OSBPL6: variants seen among roughly 807,000 people sequenced by gnomAD.
The protein encoded by OSBPL6 is oxysterol-binding protein-related protein 6.
In OSBPL6, 49 loss-of-function variants were observed where a neutral mutation model predicts 125.8. The observed-to-expected ratio is 0.39, with a 90% CI of 0.31 to 0.49. The LOEUF (loss-of-function observed/expected upper bound fraction) is 0.49. OSBPL6 is among the 20% of genes least tolerant of loss of function. The probability of loss-of-function intolerance (pLI) is 0.88; values close to 1 mark genes in which losing one functional copy is unlikely to be tolerated. For synonymous variants in OSBPL6, 394 were observed against 391.8 expected (o/e 1.01, Z -0.07); for missense variants, 986 against 1,135.4 (o/e 0.87, Z 1.89).
chr2:178,288,856 G>A (rs1455444686), intron 2 of OSBPL6, among the ~76,000 whole-genome samples: 1 of 151,690 alleles, frequency 6.6e-6, no homozygotes, highest in African/African-American at 2.4e-5. Flanking sequence ...CACCATGTTG[G>A]CCAGGCTGGT....
At chr2:178,236,781 T>C (rs2091071019) in intron 1 of OSBPL6, among the ~76,000 whole-genome samples, 1 of 152,164 alleles carries the variant, frequency 6.6e-6, no homozygotes, top group South Asian at 2.1e-4. Context: ...TTTGAAACAG[T>C]TTATCCTCCA....
In OSBPL6 at chr2:178,394,333, T is replaced by C. The variant is rs773120991; in HGVS notation, c.2594T>C (p.Leu865Ser). The C allele has an allele frequency of 9.9e-6, 16 of 1,612,956 alleles. No homozygotes were observed. The Admixed American group carries it at 2.7e-4, about 27-fold the overall frequency. The change falls in exon 24 of 25, where the codon TTA becomes TCA. Residue 865 changes from leucine to serine, a missense_variant. By Grantham distance (145) the Leu-to-Ser change is moderately radical. Coordinates refer to ENST00000190611, the MANE Select transcript of OSBPL6 (RefSeq NM_032523.4). Reference sequence around the variant, plus strand: ...CTTAGATTTTTGGAAGAAGGAAATTTAGAAGCTGCAGCATCAGAGAAGCAA... The same window carrying C: ...CTTAGATTTTTGGAAGAAGGAAATTCAGAAGCTGCAGCATCAGAGAAGCAA... ...PDQRFLEEGN[L>S]EAAASEKQRV... is the part of the protein sequence containing the mutation.
intron 4 of OSBPL6, 61 bp downstream of exon 4, chr2:178,324,330 A>G: frequency 8.0e-7 from 1 of 1,243,578 alleles, no homozygotes; most frequent in Non-Finnish European, 1.1e-6. Flanking sequence ...GGCCAATTGA[A>G]CTGTGAATAA....
At position 178,338,996 on chromosome 2, in the gene OSBPL6, G is replaced by T; in HGVS notation, c.796G>T (p.Ala266Ser). Reference protein sequence around the residue: ...EEMDRCAEDLAHCQSNLVELS... With the variant: ...EEMDRCAEDLSHCQSNLVELS... ...TATTTCTGATTTCTTATTAGATCTTGCACATTGCCAGTCAAACCTTGTGGA... is the reference window on the plus strand; with the variant it reads ...TATTTCTGATTTCTTATTAGATCTTTCACATTGCCAGTCAAACCTTGTGGA... The change falls in exon 10 of 25, where the codon GCA becomes TCA. Residue 266 changes from alanine to serine, a missense_variant. Physicochemically the swap from Ala to Ser is moderately conservative, Grantham distance 99 (BLOSUM62 1). Transcript: ENST00000190611. 2 of 1,609,688 alleles carry T rather than the reference G, an allele frequency of 1.2e-6. No individual in the cohort carries two copies. Among genetic ancestry groups the T allele is most frequent in the Non-Finnish European group, 8.5e-7 (1 of 1,177,556 alleles).
chr2:178,259,323 C>G (rs2091984152), intron 1 of OSBPL6, among the ~76,000 whole-genome samples: 1 of 152,098 alleles, frequency 6.6e-6, no homozygotes, highest in African/African-American at 2.4e-5. Flanking sequence ...ATTGTGCTGA[C>G]TTTTTAAGGT....
chr2:178,331,427 T>C (rs1689185270), intron 5 of OSBPL6, 125 bp from the exon 6 acceptor site: 1 of 996,486 alleles, frequency 1.0e-6, no homozygotes, highest in South Asian at 1.3e-5. Context: ...ATGCACTGAA[T>C]CCAGATACAT....
intron 15 of OSBPL6, among the ~76,000 whole-genome samples, chr2:178,379,324 A>G (rs1478109736): frequency 1.0e-5 from 1 of 96,548 alleles, no homozygotes; most frequent in African/African-American, 3.5e-5. Flanking sequence ...GAAGGAAGGA[A>G]GGAAAGGAAG....
intron 13 of OSBPL6, among the ~76,000 whole-genome samples, chr2:178,364,751 T>C (rs1254313067): frequency 6.6e-6 from 1 of 152,098 alleles, no homozygotes; most frequent in Non-Finnish European, 1.5e-5. Context: ...TGTCTAGAGC[T>C]CAGAAGACAG....
intron 1 of OSBPL6, among the ~76,000 whole-genome samples, chr2:178,282,091 A>T (rs573159393): frequency 6.6e-6 from 1 of 152,336 alleles, no homozygotes; most frequent in Non-Finnish European, 1.5e-5. Context: ...ACTGACCAAA[A>T]GTACTGAGCA....
intron 13 of OSBPL6, among the ~76,000 whole-genome samples, chr2:178,367,590 G>A (rs1187860856): frequency 6.6e-6 from 1 of 152,182 alleles, no homozygotes; most frequent in African/African-American, 2.4e-5. Context: ...ACCTGCCAGG[G>A]TTGATGAATG....
intron 1 of OSBPL6, among the ~76,000 whole-genome samples, chr2:178,261,957 T>G (rs556955555): frequency 2.2e-4 from 34 of 152,206 alleles, no homozygotes; most frequent in Non-Finnish European, 4.1e-4. Context: ...AGATGAGAGC[T>G]ATGTCACCAT....
intron 1 of OSBPL6, among the ~76,000 whole-genome samples, chr2:178,259,215 G>A (rs2091980495): frequency 6.6e-6 from 1 of 152,122 alleles, no homozygotes; most frequent in Non-Finnish European, 1.5e-5. Context: ...TTCCCCAAGT[G>A]TACCTGCATA....
chr2:178,315,614 T>C (rs918384574), intron 3 of OSBPL6, among the ~76,000 whole-genome samples: 1 of 152,210 alleles, frequency 6.6e-6, no homozygotes, highest in African/African-American at 2.4e-5. Context: ...ATCAGGTTTT[T>C]ACTTTGGAGG....
At chr2:178,278,932 G>T (rs1372477822) in intron 1 of OSBPL6, among the ~76,000 whole-genome samples, 1 of 152,226 alleles carries the variant, frequency 6.6e-6, no homozygotes, top group African/African-American at 2.4e-5. Context: ...AAGCAATTTA[G>T]AATGTTGAAC....
At chr2:178,285,903 T>C (rs977353666) in intron 2 of OSBPL6, among the ~76,000 whole-genome samples, 2 of 152,192 alleles carry the variant, frequency 1.3e-5, no homozygotes, top group Non-Finnish European at 2.9e-5. Context: ...TTCAGACATA[T>C]ATGATTTGGG....
chr2:178,201,043 C>T (rs2089231864), intron 1 of OSBPL6, among the ~76,000 whole-genome samples: 1 of 152,164 alleles, frequency 6.6e-6, no homozygotes, highest in Non-Finnish European at 1.5e-5. Context: ...ATCTGCCCAC[C>T]TCAGCCTCCA....
chr2:178,391,389 C>G (rs953491413), intron 22 of OSBPL6, among the ~76,000 whole-genome samples, 172 bp downstream of exon 22: 4 of 152,212 alleles, frequency 2.6e-5, no homozygotes, highest in Admixed American at 2.6e-4. Flanking sequence ...AGAAGTTATA[C>G]ATAAGCCCCA....
intron 1 of OSBPL6, among the ~76,000 whole-genome samples, chr2:178,204,921 G>C (rs963447544): frequency 1.3e-5 from 2 of 151,998 alleles, no homozygotes; most frequent in African/African-American, 4.8e-5. Flanking sequence ...TCTGCACCAG[G>C]GTCTTAACAT....
chr2:178,291,291 C>T (rs900715810), intron 2 of OSBPL6, among the ~76,000 whole-genome samples: 1 of 152,162 alleles, frequency 6.6e-6, no homozygotes, highest in African/African-American at 2.4e-5. Flanking sequence ...TTGCAACTCA[C>T]TGCATCATAC....
Sources: gnomAD v4.1 joint callset for allele counts (sites outside exome capture counted in the v4.1 genomes callset) on GRCh38, gnomAD v4.1.1 for gene constraint, MANE v1.5 for transcripts, NCBI Gene and HGNC (gene_info 2026-07-23, HGNC 2026-07-21) for gene names.